TNFAIP8: variants seen among roughly 807,000 people sequenced by gnomAD.
TNFAIP8 encodes tumor necrosis factor alpha-induced protein 8.
A neutral mutation model predicts 13.3 loss-of-function variants in TNFAIP8; 7 were observed. The ratio of observed to expected loss-of-function variants is 0.52; its 90% CI spans 0.30 to 0.99. The LOEUF (loss-of-function observed/expected upper bound fraction) is 0.99. Ranked by LOEUF, TNFAIP8 falls within the 50% of genes least tolerant of loss-of-function variation. The pLI is 0.07. For synonymous variants in TNFAIP8, 94 were observed against 87.6 expected (o/e 1.07, Z -0.41); for missense variants, 258 against 236.9 (o/e 1.09, Z -0.58).
Position 119,301,850 on chromosome 5 carries a change from A to C in TNFAIP8, c.1+32943A>C, listed in dbSNP as rs17145112. ...CCAAGTGCCAACCCAGATACTGAGG[A>C]TATTCCCACTATACCTTCCCTACTC... On this transcript the variant is annotated intron_variant, in intron 1 of 1. Transcript: ENST00000274456. Among the ~76,000 whole-genome samples, 963 of 152,340 alleles carry C rather than the reference A, an allele frequency of 6.3e-3. 13 individuals carry two copies. The highest frequency in any genetic ancestry group is 0.063 in the East Asian group (325 of 5,190).
At chr5:119,307,673 A>G (rs948332000) in intron 1 of TNFAIP8, among the ~76,000 whole-genome samples, 1 of 152,266 alleles carries the variant, frequency 6.6e-6, no homozygotes, top group African/African-American at 2.4e-5. Context: ...ATAATACTAC[A>G]GTCTTTTCCC....
chr5:119,388,946 A>G lies in TNFAIP8; in HGVS notation c.32-3870A>G, dbSNP rs556917614. ...GGTGTGAGCCACTGCGCCCGGCCCC[A>G]TTTGCAAATTTCATTTCTTGAAACT... On this transcript the variant is annotated intron_variant, in intron 1 of 1. Coordinates refer to ENST00000504771, the MANE Select transcript of TNFAIP8 (RefSeq NM_014350.4). Among the ~76,000 whole-genome samples, 7 of 151,888 alleles carry G rather than the reference A, an allele frequency of 4.6e-5. No individual in the cohort carries two copies. In the East Asian group the frequency reaches 1.4e-3, roughly 29 times the overall value.
At chr5:119,355,379 T>C (rs1271289357), upstream of TNFAIP8, 1 of 702,440 alleles carries the variant, frequency 1.4e-6, no homozygotes, top group Admixed American at 2.0e-5. Context: ...CCCGTCTGCT[T>C]TTGCTGTGCA....
Position 119,278,376 on chromosome 5 carries a change from A to AGTGT in TNFAIP8, c.1+9511_1+9514dup, listed in dbSNP as rs71591297. Among the ~76,000 whole-genome samples the AGTGT allele has an allele frequency of 1.3e-3, 140 of 108,234 alleles. 1 individual carries two copies. The highest frequency in any genetic ancestry group is 5.3e-3 in the Middle Eastern group (1 of 190). 71.0% of individuals were successfully genotyped at this position (108,234 alleles called of 152,430 possible). ...GGGAGAGAGAGAGAGAGAGAGAGAGAGTGTGTGTGTGTGTGTGTGTGTGTG... is the reference window on the plus strand; with the variant it reads ...GGGAGAGAGAGAGAGAGAGAGAGAGAGTGTGTGTGTGTGTGTGTGTGTGTGTGTG... On this transcript the variant is annotated intron_variant, in intron 1 of 1. Transcript: ENST00000274456.
chr5:119,328,227 G>C (rs1454330043), intron 1 of TNFAIP8, among the ~76,000 whole-genome samples: 1 of 152,114 alleles, frequency 6.6e-6, no homozygotes, highest in Non-Finnish European at 1.5e-5. Context: ...CTGCAGTTCT[G>C]ACCCTCAACC....
At chr5:119,334,006 G>C (rs1750466486) in intron 1 of TNFAIP8, among the ~76,000 whole-genome samples, 1 of 152,096 alleles carries the variant, frequency 6.6e-6, no homozygotes, top group Non-Finnish European at 1.5e-5. Context: ...ATTAACTGTA[G>C]GACACCTCTG....
intron 1 of TNFAIP8, among the ~76,000 whole-genome samples, chr5:119,385,926 C>G (rs1286460768): frequency 6.6e-6 from 1 of 152,176 alleles, no homozygotes; most frequent in African/African-American, 2.4e-5. Flanking sequence ...TCTGGAACAA[C>G]TCCAAAAAGT....
At position 119,324,274 on chromosome 5, in the gene TNFAIP8, C is replaced by CAAAAAA. The variant is rs56104829; in HGVS notation, c.1+55402_1+55407dup. 9.9e-4 allele frequency among the ~76,000 whole-genome samples: 77 copies of CAAAAAA among 77,656 alleles called. 2 individuals carry two copies. Among genetic ancestry groups the CAAAAAA allele is most frequent in the East Asian group, 1.8e-3 (5 of 2,856 alleles). 50.9% of individuals were successfully genotyped at this position (77,656 alleles called of 152,430 possible). On this transcript the variant is annotated intron_variant, in intron 1 of 1. Coordinates refer to the TNFAIP8 transcript ENST00000274456. ...TGAGCCACAAAGCAAGACGCCATCTCAAAAAAAAAAAAAAAAAAAAAAAAA... is the reference window on the plus strand; with the variant it reads ...TGAGCCACAAAGCAAGACGCCATCTCAAAAAAAAAAAAAAAAAAAAAAAAAAAAAAA...
intron 1 of TNFAIP8, among the ~76,000 whole-genome samples, chr5:119,283,048 T>C (rs931821850): frequency 6.6e-6 from 1 of 152,244 alleles, no homozygotes; most frequent in African/African-American, 2.4e-5. Flanking sequence ...GCCTGGCTTC[T>C]AGAGACAGGT....
chr5:119,335,108 ACT>A (rs1750510777), intron 1 of TNFAIP8, among the ~76,000 whole-genome samples: 1 of 151,926 alleles, frequency 6.6e-6, no homozygotes, highest in South Asian at 2.1e-4. Context: ...GAGCTTGTCT[ACT>A]CTGTTCCTGG....
Position 119,366,173 on chromosome 5 carries a change from A to G in TNFAIP8, c.31+10052A>G, listed in dbSNP as rs1320792848. Among the ~76,000 whole-genome samples, 4 of 152,120 alleles carry G rather than the reference A, an allele frequency of 2.6e-5. No homozygotes were observed. The East Asian group carries it at 7.7e-4, about 29-fold the overall frequency. On this transcript the variant is annotated intron_variant, in intron 1 of 1. Coordinates refer to ENST00000504771, the MANE Select transcript of TNFAIP8 (RefSeq NM_014350.4). Reference sequence around the variant, plus strand: ...GAAAAAAAAAAAAAGTAATATGTGCAAAACTTAAGAAGTGACCAGCAGTAT... The same window carrying G: ...GAAAAAAAAAAAAAGTAATATGTGCGAAACTTAAGAAGTGACCAGCAGTAT...
chr5:119,283,170 A>C (rs1316546168), intron 1 of TNFAIP8, among the ~76,000 whole-genome samples: 1 of 152,236 alleles, frequency 6.6e-6, no homozygotes, highest in Non-Finnish European at 1.5e-5. Context: ...TCAGCAAGAC[A>C]TTCTTGCCCT....
chr5:119,372,725 C>T (rs533372664), intron 1 of TNFAIP8, among the ~76,000 whole-genome samples: 6 of 152,206 alleles, frequency 3.9e-5, no homozygotes, highest in South Asian at 2.1e-4. Flanking sequence ...TTTGGGAAGC[C>T]GAGGCAGGAG....
intron 1 of TNFAIP8, among the ~76,000 whole-genome samples, chr5:119,313,395 G>A (rs1020259501): frequency 3.3e-5 from 5 of 152,192 alleles, no homozygotes; most frequent in African/African-American, 1.2e-4. Context: ...AGGGTGGAGG[G>A]AGAGAAGGAA....
chr5:119,394,474 TTC>T lies in TNFAIP8; in HGVS notation c.*1095_*1096del, dbSNP rs1753019607. The T allele has an allele frequency of 6.6e-6, 1 of 152,272 alleles. No individual in the cohort carries two copies. Among genetic ancestry groups the T allele is most frequent in the South Asian group, 2.1e-4 (1 of 4,824 alleles). The allele number at this position is 152,272 out of a possible 1,614,324, so 9.4% of individuals were successfully genotyped here. ...GTTTGTGTGGTGTTTCTATATAATT[TTC>T]TGTGTATAAATAATAAAGTAGGCAT... On this transcript the variant is annotated 3_prime_UTR_variant, in exon 2 of 2. Transcript: ENST00000504771.
intron 1 of TNFAIP8, among the ~76,000 whole-genome samples, chr5:119,344,015 G>A (rs1750819149): frequency 6.6e-6 from 1 of 152,186 alleles, no homozygotes; most frequent in Admixed American, 6.5e-5. Flanking sequence ...GCCTCAAGTA[G>A]CATCATTCAC....
At chr5:119,364,413 G>C (rs1751751782) in intron 1 of TNFAIP8, among the ~76,000 whole-genome samples, 1 of 152,274 alleles carries the variant, frequency 6.6e-6, no homozygotes, top group East Asian at 1.9e-4. Context: ...CGTCACCCAG[G>C]CTGGAGTGCA....
At chr5:119,310,806 G>A (rs1045004660) in intron 1 of TNFAIP8, among the ~76,000 whole-genome samples, 5 of 152,064 alleles carry the variant, frequency 3.3e-5, no homozygotes, top group African/African-American at 1.2e-4. Flanking sequence ...CAGCTTGGGT[G>A]ACAGATCGAG....
chr5:119,281,693 A>T (rs1432291795), intron 1 of TNFAIP8, among the ~76,000 whole-genome samples: 2 of 152,234 alleles, frequency 1.3e-5, no homozygotes, highest in Non-Finnish European at 2.9e-5. Flanking sequence ...TTATTGTTAT[A>T]TATTAAAATA....
Sources: gnomAD v4.1 joint callset for allele counts (sites outside exome capture counted in the v4.1 genomes callset) on GRCh38, gnomAD v4.1.1 for gene constraint, MANE v1.5 for transcripts, NCBI Gene and HGNC (gene_info 2026-07-23, HGNC 2026-07-21) for gene names.